Variants in GPD1L observed in about 807,000 individuals in gnomAD.
GPD1L encodes the protein glycerol-3-phosphate dehydrogenase 1 like, also known as glycerol-3-phosphate dehydrogenase 1-like protein.
In GPD1L, 17 loss-of-function variants were observed where a neutral mutation model predicts 32.9. The ratio of observed to expected loss-of-function variants is 0.52; its 90% confidence interval spans 0.35 to 0.78. The LOEUF (loss-of-function observed/expected upper bound fraction) is 0.78, where lower values mean the gene tolerates loss of function less well. GPD1L is among the 30% of genes least tolerant of loss of function. GPD1L has a pLI of 0.01. For missense variants in GPD1L, 361 were observed against 447.8 expected (o/e 0.81, Z 1.75); for synonymous variants, 187 against 165.9 (o/e 1.13, Z -0.98).
intron 1 of GPD1L, among the ~76,000 whole-genome samples, chr3:32,122,223 T>C (rs1012645912): frequency 1.3e-5 from 2 of 152,098 alleles, no homozygotes; most frequent in Non-Finnish European, 2.9e-5. Flanking sequence ...TCAATAAATA[T>C]TTTCAATAAA....
At chr3:32,113,124 C>T (rs1202335314) in intron 1 of GPD1L, among the ~76,000 whole-genome samples, 1 of 151,134 alleles carries the variant, frequency 6.6e-6, no homozygotes, top group Non-Finnish European at 1.5e-5. Flanking sequence ...CCTTAAAAAT[C>T]ATCTCATTCA....
At chr3:32,150,085 C>G (rs970985624) in intron 5 of GPD1L, among the ~76,000 whole-genome samples, 15 of 152,170 alleles carry the variant, frequency 9.9e-5, no homozygotes, top group African/African-American at 3.6e-4. Flanking sequence ...TATCCCCAAA[C>G]AACTCCACAT....
At chr3:32,108,847 T>G (rs1239688420) in intron 1 of GPD1L, among the ~76,000 whole-genome samples, 1 of 152,058 alleles carries the variant, frequency 6.6e-6, no homozygotes, top group East Asian at 1.9e-4. Flanking sequence ...TGCCAGTTGT[T>G]TTTTTTTATT....
chr3:32,109,940 C>T (rs1014021472), intron 1 of GPD1L, among the ~76,000 whole-genome samples: 42 of 152,240 alleles, frequency 2.8e-4, no homozygotes, highest in African/African-American at 7.2e-4. Flanking sequence ...TTTCTTGAGA[C>T]GGAGTCTCGC....
chr3:32,152,744 A>G (rs1038301496), intron 5 of GPD1L, among the ~76,000 whole-genome samples: 1 of 151,952 alleles, frequency 6.6e-6, no homozygotes, highest in East Asian at 1.9e-4. Context: ...AGGGTAGCAT[A>G]GGGTGTGGCC....
chr3:32,141,187 T>A (rs1172587870), intron 4 of GPD1L, among the ~76,000 whole-genome samples: 1 of 152,238 alleles, frequency 6.6e-6, no homozygotes, highest in African/African-American at 2.4e-5. Flanking sequence ...CAGGCTCTCT[T>A]GCATGAGATG....
intron 1 of GPD1L, among the ~76,000 whole-genome samples, chr3:32,117,583 T>C (rs1291760757): frequency 6.6e-6 from 1 of 152,232 alleles, no homozygotes; most frequent in African/African-American, 2.4e-5. Flanking sequence ...TCAGTTGTTA[T>C]GTCAACAGAG....
chr3:32,152,949 G>C (rs1367835327), intron 5 of GPD1L, among the ~76,000 whole-genome samples: 1 of 152,146 alleles, frequency 6.6e-6, no homozygotes, highest in Non-Finnish European at 1.5e-5. Flanking sequence ...GGTACACTAG[G>C]TGTGACCATA....
At position 32,114,915 on chromosome 3, in the gene GPD1L, A is replaced by G. The variant is rs538398692; in HGVS notation, c.47+8157A>G. On this transcript the variant is annotated intron_variant, in intron 1 of 7. Coordinates refer to ENST00000282541, the MANE Select transcript of GPD1L (RefSeq NM_015141.4). ...TCCAGGTGGGTTTGTGGTCTCGCTT[A>G]CTTCAGGAGTGAAGCCGCAGACCTC... Among the ~76,000 whole-genome samples the G allele has an allele frequency of 3.3e-4, 50 of 152,276 alleles. 2 individuals carry two copies. In the South Asian group the frequency reaches 0.01, roughly 32 times the overall value.
chr3:32,153,144 G>A (rs1011105378), intron 5 of GPD1L, among the ~76,000 whole-genome samples: 2 of 152,164 alleles, frequency 1.3e-5, no homozygotes, highest in African/African-American at 4.8e-5. Flanking sequence ...TAATTGCTGG[G>A]CATGTAGGTT....
chr3:32,158,932 C>G lies in GPD1L; in HGVS notation c.675C>G (p.Thr225=). ...FCDGLRCGDN[T]KAAVIRLGLM... is the part of the protein sequence containing the mutation. ...ACGGCCTCCGCTGTGGAGACAACAC[C>G]AAAGCGGCCGTCATCCGCCTGGGAC... is the stretch of plus-strand genomic sequence containing the variant. Residue 225 remains threonine (T), a synonymous_variant, in exon 6 of 8, where the codon ACC becomes ACG. Transcript: ENST00000282541. The G allele has an allele frequency of 1.2e-6, 2 of 1,614,144 alleles. No individual in the cohort carries two copies. The highest frequency in any genetic ancestry group is 4.5e-5 in the East Asian group (2 of 44,890).
At chr3:32,159,432 G>T in intron 6 of GPD1L, 136 bp from the exon 7 acceptor site, 2 of 683,806 alleles carry the variant, frequency 2.9e-6, no homozygotes, top group South Asian at 1.9e-5. Context: ...CAAGTTCGAG[G>T]CCAGCCTGCA....
intron 1 of GPD1L, 59 bp from the exon 2 acceptor site, chr3:32,128,017 G>T: frequency 8.4e-7 from 1 of 1,192,078 alleles, no homozygotes; most frequent in Non-Finnish European, 1.2e-6. Flanking sequence ...TTAATCAAAC[G>T]CTTTTTCTCT....
intron 2 of GPD1L, among the ~76,000 whole-genome samples, chr3:32,129,625 C>T (rs9880900): frequency 0.59 from 90,325 of 152,088 alleles, 29,852 homozygotes; most frequent in East Asian, 0.89. Flanking sequence ...CTGAGCATGC[C>T]GAATCTGTTG....
At position 32,121,507 on chromosome 3, in the gene GPD1L, ATATATATTT is replaced by A. The variant is rs1700412342; in HGVS notation, c.48-6568_48-6560del. On this transcript the variant is annotated intron_variant, in intron 1 of 7. Coordinates refer to ENST00000282541, the MANE Select transcript of GPD1L (RefSeq NM_015141.4). ...TTTCTCTCTATATATATTTCTCTCT[ATATATATTT>A]CTCTCTATATATATTTCTATGTATA... 2.4e-5 allele frequency among the ~76,000 whole-genome samples: 2 copies of A among 82,388 alleles called. 1 individual carries two copies. The allele number at this position is 82,388 out of a possible 152,430, so 54.0% of individuals were successfully genotyped here.
Position 32,140,380 on chromosome 3 carries a change from G to C in GPD1L, c.505+14G>C. On this transcript the variant is annotated intron_variant, in intron 4 of 7. Coordinates refer to ENST00000282541, the MANE Select transcript of GPD1L (RefSeq NM_015141.4). ...AGACCACCATCGGTAAGCACTGCCTGGGAGGGACCCCAGGAGTCTGGACAT... is the reference window on the plus strand; with the variant it reads ...AGACCACCATCGGTAAGCACTGCCTCGGAGGGACCCCAGGAGTCTGGACAT... 6.2e-7 allele frequency: 1 copy of C among 1,613,922 alleles called. No homozygotes were observed. The highest frequency in any genetic ancestry group is 1.3e-5 in the African/African-American group (1 of 75,018).
intron 5 of GPD1L, among the ~76,000 whole-genome samples, chr3:32,150,746 A>C (rs1700907559): frequency 6.6e-6 from 1 of 152,158 alleles, no homozygotes; most frequent in Non-Finnish European, 1.5e-5. Context: ...ACGTTTTGTA[A>C]TTGGCTACTA....
At chr3:32,115,073 T>G (rs2125469583) in intron 1 of GPD1L, among the ~76,000 whole-genome samples, 1 of 152,370 alleles carries the variant, frequency 6.6e-6, no homozygotes, top group African/African-American at 2.4e-5. Flanking sequence ...CACCACTGGC[T>G]GGGGTGGCCA....
At chr3:32,143,263 G>A (rs1004944362) in intron 4 of GPD1L, among the ~76,000 whole-genome samples, 3 of 152,052 alleles carry the variant, frequency 2.0e-5, no homozygotes, top group South Asian at 2.1e-4. Flanking sequence ...TTTAAAAATT[G>A]TTTTATATAA....
Sources: allele counts gnomAD v4.1 joint callset (sites outside exome capture counted in the v4.1 genomes callset), GRCh38; gene constraint gnomAD v4.1.1; transcripts MANE v1.5; gene names NCBI Gene and HGNC (gene_info 2026-07-23, HGNC 2026-07-21).